The following CLSTN2 variants were observed in gnomAD, a reference collection of about 807,000 sequenced individuals.
The protein encoded by CLSTN2 is calsyntenin 2.
A neutral mutation model predicts 101.2 loss-of-function variants in CLSTN2; 48 were observed. The observed-to-expected ratio is 0.47, with a 90% CI of 0.38 to 0.60. The LOEUF is 0.60. Among genes scored for constraint, CLSTN2 ranks in the 20% least tolerant of loss-of-function variants. The pLI is 0.00. For synonymous variants in CLSTN2, 481 were observed against 463.6 expected, an observed-to-expected ratio of 1.04 and a Z score of -0.48; for missense variants, 1,160 against 1,238.2, an observed-to-expected ratio of 0.94 and a Z score of 0.95.
intron 2 of CLSTN2, among the ~76,000 whole-genome samples, chr3:140,252,740 C>A (rs772988141): frequency 6.6e-6 from 1 of 152,192 alleles, no homozygotes; most frequent in Non-Finnish European, 1.5e-5. Flanking sequence ...GGGCAGGTGC[C>A]TAAGGTACAA....
intron 5 of CLSTN2, among the ~76,000 whole-genome samples, chr3:140,447,768 A>AG (rs1232326091): frequency 6.6e-6 from 1 of 152,212 alleles, no homozygotes; most frequent in Non-Finnish European, 1.5e-5. Context: ...AAATGGGGTG[A>AG]GGGGCACAAC....
intron 2 of CLSTN2, among the ~76,000 whole-genome samples, chr3:140,303,353 C>A (rs887430279): frequency 1.3e-5 from 2 of 152,172 alleles, no homozygotes; most frequent in Non-Finnish European, 2.9e-5. Flanking sequence ...ACAGTAGTTG[C>A]TCAGTTAGCA....
At chr3:140,278,707 G>C (rs1441099972) in intron 2 of CLSTN2, among the ~76,000 whole-genome samples, 1 of 152,166 alleles carries the variant, frequency 6.6e-6, no homozygotes, top group African/African-American at 2.4e-5. Context: ...CTCTTTGCCA[G>C]TTCCCTTAAA....
At chr3:140,193,383 T>C (rs2010600642) in intron 2 of CLSTN2, among the ~76,000 whole-genome samples, 1 of 151,736 alleles carries the variant, frequency 6.6e-6, no homozygotes, top group African/African-American at 2.4e-5. Flanking sequence ...TGATTTTCTT[T>C]TCATTTTTGA....
chr3:140,414,840 A>G (rs2088410104), intron 4 of CLSTN2, among the ~76,000 whole-genome samples: 1 of 152,118 alleles, frequency 6.6e-6, no homozygotes, highest in Admixed American at 6.5e-5. Flanking sequence ...TAAAATTCAT[A>G]TAGAAGCACA....
At chr3:140,060,889 G>A (rs1234154323) in intron 1 of CLSTN2, among the ~76,000 whole-genome samples, 1 of 152,142 alleles carries the variant, frequency 6.6e-6, no homozygotes, top group Non-Finnish European at 1.5e-5. Context: ...GTCAGATCTT[G>A]TGCCAAGCCA....
intron 1 of CLSTN2, among the ~76,000 whole-genome samples, chr3:140,135,065 C>A (rs1162952219): frequency 2.3e-5 from 3 of 131,936 alleles, no homozygotes; most frequent in African/African-American, 2.8e-5. Context: ...TAACAATAGT[C>A]CAGGGTGATG....
At chr3:140,383,129 T>A (rs2088005215) in intron 2 of CLSTN2, among the ~76,000 whole-genome samples, 1 of 152,184 alleles carries the variant, frequency 6.6e-6, no homozygotes, top group Non-Finnish European at 1.5e-5. Context: ...ATGACTTTAT[T>A]ACCTAAGGAG....
intron 1 of CLSTN2, among the ~76,000 whole-genome samples, chr3:139,992,636 C>T (rs1936134244): frequency 6.6e-6 from 1 of 152,218 alleles, no homozygotes; most frequent in South Asian, 2.1e-4. Flanking sequence ...TCCTGTGCCC[C>T]TTATCTGCTG....
chr3:140,039,938 A>G (rs2007728583), intron 1 of CLSTN2, among the ~76,000 whole-genome samples: 1 of 152,210 alleles, frequency 6.6e-6, no homozygotes, highest in Non-Finnish European at 1.5e-5. Context: ...AGTTATTTTG[A>G]GTTAAATAAA....
chr3:140,169,355 C>G (rs1559796544), intron 1 of CLSTN2, among the ~76,000 whole-genome samples: 1 of 152,154 alleles, frequency 6.6e-6, no homozygotes, highest in East Asian at 1.9e-4. Flanking sequence ...CCTTCCTAAA[C>G]TCTTATTAGT....
chr3:140,514,109 T>G (rs1434665184), intron 8 of CLSTN2, among the ~76,000 whole-genome samples: 1 of 151,834 alleles, frequency 6.6e-6, no homozygotes. Flanking sequence ...ACTCTGATCT[T>G]GGTTCTTTCT....
chr3:140,311,358 T>G (rs2087166451), intron 2 of CLSTN2, among the ~76,000 whole-genome samples: 1 of 134,890 alleles, frequency 7.4e-6, no homozygotes, highest in South Asian at 2.5e-4. Flanking sequence ...TAGGCTGGAG[T>G]GCAGTGGCCT....
At chr3:140,325,713 A>G (rs1419779589) in intron 2 of CLSTN2, among the ~76,000 whole-genome samples, 1 of 151,938 alleles carries the variant, frequency 6.6e-6, no homozygotes, top group Non-Finnish European at 1.5e-5. Flanking sequence ...TCAGCATTCC[A>G]CAAGTTACTT....
Position 140,341,993 on chromosome 3 carries a change from G to A in CLSTN2, c.233-61636G>A, listed in dbSNP as rs560053597. 1.1e-4 allele frequency among the ~76,000 whole-genome samples: 17 copies of A among 152,274 alleles called. 1 individual carries two copies. The South Asian group carries it at 3.3e-3, about 30-fold the overall frequency. On this transcript the variant is annotated intron_variant, in intron 2 of 16. Coordinates refer to ENST00000458420, the MANE Select transcript of CLSTN2 (RefSeq NM_022131.3). Reference sequence around the variant, plus strand: ...CATTGTGAGGGCTGGGCACCCTGGGGTAGACAACCTGCTTCACTTATTTAA... The same window carrying A: ...CATTGTGAGGGCTGGGCACCCTGGGATAGACAACCTGCTTCACTTATTTAA...
At chr3:140,242,925 G>A (rs541849724) in intron 2 of CLSTN2, among the ~76,000 whole-genome samples, 3 of 152,292 alleles carry the variant, frequency 2.0e-5, no homozygotes, top group South Asian at 4.1e-4. Flanking sequence ...CCACACATGC[G>A]CTCATGGCTA....
At chr3:140,451,614 G>T (rs1933253923) in intron 6 of CLSTN2, among the ~76,000 whole-genome samples, 1 of 152,182 alleles carries the variant, frequency 6.6e-6, no homozygotes, top group Non-Finnish European at 1.5e-5. Flanking sequence ...AATGAGTGAG[G>T]CCCAGATGCA....
chr3:140,213,115 T>C (rs537408494), intron 2 of CLSTN2, among the ~76,000 whole-genome samples: 3 of 152,334 alleles, frequency 2.0e-5, no homozygotes, highest in African/African-American at 7.2e-5. Context: ...TATGAACATG[T>C]TCTCCTTGTT....
At chr3:140,321,070 C>T (rs1054710475) in intron 2 of CLSTN2, among the ~76,000 whole-genome samples, 2 of 152,108 alleles carry the variant, frequency 1.3e-5, no homozygotes, top group Non-Finnish European at 2.9e-5. Flanking sequence ...CTGAAACTGA[C>T]GGGCTTGGTT....
Sources: gnomAD v4.1 joint callset for allele counts (sites outside exome capture counted in the v4.1 genomes callset) on GRCh38, gnomAD v4.1.1 for gene constraint, MANE v1.5 for transcripts, NCBI Gene and HGNC (gene_info 2026-07-23, HGNC 2026-07-21) for gene names.